Variants in AGAP1 observed in about 807,000 individuals in gnomAD.
AGAP1 encodes arf-GAP with GTPase, ANK repeat and PH domain-containing protein 1.
Under a neutral mutation model 105.3 loss-of-function variants are expected in AGAP1, and 29 were observed. The ratio of observed to expected loss-of-function variants is 0.28; its 90% CI spans 0.21 to 0.38. The LOEUF is 0.38. AGAP1 is among the 10% of genes least tolerant of loss of function. The probability of loss-of-function intolerance (pLI) is 1.00; values close to 1 mark genes in which losing one functional copy is unlikely to be tolerated. For synonymous variants in AGAP1, 509 were observed against 485.9 expected, an observed-to-expected ratio of 1.05 and a Z score of -0.63; for missense variants, 998 against 1,165.1, an observed-to-expected ratio of 0.86 and a Z score of 2.09.
At chr2:235,825,328 C>G (rs919064487) in intron 9 of AGAP1, among the ~76,000 whole-genome samples, 4 of 152,260 alleles carry the variant, frequency 2.6e-5, no homozygotes, top group African/African-American at 9.6e-5. Context: ...CTTTGAACAG[C>G]TGCCACCATG....
intron 1 of AGAP1, among the ~76,000 whole-genome samples, chr2:235,539,773 G>A (rs189681049): frequency 5.3e-5 from 8 of 152,288 alleles, no homozygotes; most frequent in African/African-American, 1.2e-4. Context: ...CTGGGGTCAC[G>A]GGTGTTAGTT....
In AGAP1 at chr2:235,523,768, C is replaced by T. The variant is rs150085268; in HGVS notation, c.163+28919C>T. Among the ~76,000 whole-genome samples the T allele has an allele frequency of 5.8e-4, 89 of 152,250 alleles. 1 individual carries two copies. The East Asian group carries it at 0.017, about 30-fold the overall frequency. ...AAAGGCCGACTGACCACCGTGTGAC[C>T]TGGCCAGGGTGTGGGATTGCATCTG... On this transcript the variant is annotated intron_variant, in intron 1 of 17. Transcript: ENST00000304032.
rs368843935 is a variant in AGAP1, at chr2:235,997,147, C to T, written c.1645+28524C>T. ...TCTTGTTGCCCAGACTGTAGTGCCACGGCGCAATCTCGGCTCACTGCAACT... is the reference window on the plus strand; with the variant it reads ...TCTTGTTGCCCAGACTGTAGTGCCATGGCGCAATCTCGGCTCACTGCAACT... On this transcript the variant is annotated intron_variant, in intron 13 of 17. Transcript: ENST00000304032. Among the ~76,000 whole-genome samples the T allele has an allele frequency of 2.8e-3, 428 of 152,228 alleles. 1 individual carries two copies. Among genetic ancestry groups the T allele is most frequent in the Non-Finnish European group, 4.6e-3 (313 of 68,026 alleles).
rs544177506 is a variant in AGAP1, at chr2:236,042,371, T to C, written c.1891+1530T>C. ...CCTGTCCTGCGGGTGAGGGAAGGGG[T>C]TCTTCTCCAGGTATCTTGAGGTTCT... On this transcript the variant is annotated intron_variant, in intron 15 of 17. Transcript: ENST00000304032. This position sits in a 1 kb window ranked among gnomAD's most constrained non-coding sequence, Gnocchi z 5.6. 6.6e-6 allele frequency among the ~76,000 whole-genome samples: 1 copy of C among 152,212 alleles called. No homozygotes were observed. The highest frequency in any genetic ancestry group is 2.1e-4 in the South Asian group (1 of 4,820).
rs1449723051 is a variant in AGAP1 at position 235,720,520 on chromosome 2, G to A, written c.310+2876G>A. ...AGGGATTGGATTTTGAGTGAGCTCT[G>A]TGGCCTTCCCATTTCTTGGTGTACT... On this transcript the variant is annotated intron_variant, in intron 3 of 17. Transcript: ENST00000304032. This position sits in a 1 kb window ranked among gnomAD's most constrained non-coding sequence, Gnocchi z 5.0. 1 of 292,700 alleles carries A rather than the reference G, an allele frequency of 3.4e-6. No homozygotes were observed. The highest frequency in any genetic ancestry group is 6.5e-5 in the Admixed American group (1 of 15,414). 18.1% of individuals were successfully genotyped at this position (292,700 alleles called of 1,614,324 possible). A position where few individuals can be genotyped will look rare whatever the true frequency, so the allele number is the denominator to read the frequency against.
At position 235,934,712 on chromosome 2, in the gene AGAP1, C is replaced by G. The variant is rs908474091; in HGVS notation, c.1483+3789C>G. Among the ~76,000 whole-genome samples the G allele has an allele frequency of 2.6e-5, 4 of 152,106 alleles. No individual in the cohort carries two copies. Among genetic ancestry groups the G allele is most frequent in the Middle Eastern group, 3.4e-3 (1 of 294 alleles). Reference sequence around the variant, plus strand: ...CTTTTCGAATGTATCTGCCCCCATCCCTAGTCTTTGGTTTGGATTTCAGAG... The same window carrying G: ...CTTTTCGAATGTATCTGCCCCCATCGCTAGTCTTTGGTTTGGATTTCAGAG... On this transcript the variant is annotated intron_variant, in intron 12 of 17. Transcript: ENST00000304032. This position sits in a 1 kb window ranked among gnomAD's most constrained non-coding sequence, Gnocchi z 4.9.
rs3030744 is a variant in AGAP1, at chr2:236,038,819, A to ATGTGTGTGTGTG, written c.1801-1913_1801-1902dup. Among the ~76,000 whole-genome samples, 2 of 95,638 alleles carry ATGTGTGTGTGTG rather than the reference A, an allele frequency of 2.1e-5. No individual in the cohort carries two copies. Among genetic ancestry groups the ATGTGTGTGTGTG allele is most frequent in the African/African-American group, 5.8e-5 (2 of 34,536 alleles). The allele number at this position is 95,638 out of a possible 152,430, so 62.7% of individuals were successfully genotyped here. ...GAGAGACAGAGGCACATCCCTTTGT[A>ATGTGTGTGTGTG]TGTGTGTGTGTGTGTGTGTGTGTGT... is the stretch of plus-strand genomic sequence containing the variant. On this transcript the variant is annotated intron_variant, in intron 14 of 17. Coordinates refer to ENST00000304032, the MANE Select transcript of AGAP1 (RefSeq NM_001037131.3). The surrounding 1 kb of genome is among the most constrained non-coding windows in gnomAD (Gnocchi z 4.5).
intron 1 of AGAP1, among the ~76,000 whole-genome samples, chr2:235,630,636 A>G (rs151135102): frequency 6.6e-6 from 1 of 152,322 alleles, no homozygotes; most frequent in East Asian, 1.9e-4. Context: ...TTTGAGAAAG[A>G]ATTAGGGGGT....
At chr2:235,986,889 G>A (rs1268447510) in intron 13 of AGAP1, among the ~76,000 whole-genome samples, 2 of 152,096 alleles carry the variant, frequency 1.3e-5, no homozygotes, top group African/African-American at 4.8e-5. Context: ...TTTTGTTGAG[G>A]ATTTTTGCAT....
chr2:235,613,907 T>C (rs1266468221), intron 1 of AGAP1, among the ~76,000 whole-genome samples: 1 of 152,154 alleles, frequency 6.6e-6, no homozygotes, highest in Non-Finnish European at 1.5e-5. Context: ...GTCCATCTGC[T>C]GTGTAGGGGA....
chr2:236,079,875 T>A (rs1002674606), intron 16 of AGAP1, among the ~76,000 whole-genome samples: 1 of 152,204 alleles, frequency 6.6e-6, no homozygotes, highest in Non-Finnish European at 1.5e-5. Context: ...AGAACTTGTG[T>A]TGAGTTTGAG....
In AGAP1 at chr2:235,625,911, A is replaced by C. The variant is rs1946621158; in HGVS notation, c.164-83268A>C. Among the ~76,000 whole-genome samples, 1 of 152,240 alleles carries C rather than the reference A, an allele frequency of 6.6e-6. No individual in the cohort carries two copies. Among genetic ancestry groups the C allele is most frequent in the Non-Finnish European group, 1.5e-5 (1 of 68,044 alleles). Reference sequence around the variant, plus strand: ...AAATGTTCTCACATTTATTCTTGAAATTCCACACAGAGAAAGGTGTTTCGG... The same window carrying C: ...AAATGTTCTCACATTTATTCTTGAACTTCCACACAGAGAAAGGTGTTTCGG... On this transcript the variant is annotated intron_variant, in intron 1 of 17. Coordinates refer to ENST00000304032, the MANE Select transcript of AGAP1 (RefSeq NM_001037131.3). This position sits in a 1 kb window ranked among gnomAD's most constrained non-coding sequence, Gnocchi z 4.0.
chr2:235,591,598 T>C (rs1945341049), intron 1 of AGAP1, among the ~76,000 whole-genome samples: 1 of 152,092 alleles, frequency 6.6e-6, no homozygotes, highest in Admixed American at 6.6e-5. Context: ...CTGATGTGGT[T>C]TGGATGATTT....
At chr2:236,068,797 C>CAAAAAAA (rs35724496) in intron 16 of AGAP1, among the ~76,000 whole-genome samples, 1 of 57,606 alleles carries the variant, frequency 1.7e-5, no homozygotes, top group Non-Finnish European at 3.4e-5. Context: ...GACTCCGTCT[C>CAAAAAAA]AAAAAAAAAA....
At chr2:235,626,644 G>A (rs1946646894) in intron 1 of AGAP1, among the ~76,000 whole-genome samples, 1 of 152,138 alleles carries the variant, frequency 6.6e-6, no homozygotes, top group Non-Finnish European at 1.5e-5. Context: ...CTAATTATGT[G>A]AACAGTTATT....
chr2:235,718,499 C>A (rs886587906), intron 3 of AGAP1: 22 of 704,910 alleles, frequency 3.1e-5, no homozygotes, highest in Non-Finnish European at 3.7e-5. Context: ...TGTGTACCAT[C>A]CTGTTTTGTT....
Position 235,951,736 on chromosome 2 carries a change from C to G in AGAP1, c.1484-16726C>G, listed in dbSNP as rs564389716. On this transcript the variant is annotated intron_variant, in intron 12 of 17. Coordinates refer to ENST00000304032, the MANE Select transcript of AGAP1 (RefSeq NM_001037131.3). This position sits in a 1 kb window ranked among gnomAD's most constrained non-coding sequence, Gnocchi z 4.2. ...GTACAAAATAAACATTTCCTCCTAT[C>G]CTGGATGACTGGAGCCTTGGGCTGC... Among the ~76,000 whole-genome samples the G allele has an allele frequency of 2.5e-4, 38 of 152,308 alleles. No homozygotes were observed. The highest frequency in any genetic ancestry group is 9.1e-4 in the African/African-American group (38 of 41,574).
At chr2:236,099,180 C>T (rs558564515) in intron 16 of AGAP1, among the ~76,000 whole-genome samples, 19 of 151,720 alleles carry the variant, frequency 1.3e-4, no homozygotes, top group South Asian at 4.2e-4. Flanking sequence ...GGGCCAGGTG[C>T]GGTGGCTCAC....
intron 1 of AGAP1, among the ~76,000 whole-genome samples, chr2:235,627,417 A>G (rs913795829): frequency 2.0e-5 from 3 of 151,740 alleles, no homozygotes; most frequent in Non-Finnish European, 2.9e-5. Flanking sequence ...TAGAGACAGG[A>G]TTTCGTCATG....
Sources: gnomAD v4.1 joint callset for allele counts (sites outside exome capture counted in the v4.1 genomes callset) on GRCh38, gnomAD v4.1.1 for gene constraint, Gnocchi (gnomAD v3.1) non-coding constraint, MANE v1.5 for transcripts, NCBI Gene and HGNC (gene_info 2026-07-23, HGNC 2026-07-21) for gene names.